Variants in INVS observed in about 807,000 individuals in gnomAD.
The protein encoded by INVS is inversin.
Under a neutral mutation model 108.8 loss-of-function variants are expected in INVS, and 86 were observed. The ratio of observed to expected loss-of-function variants is 0.79; its 90% confidence interval spans 0.66 to 0.95. INVS has a LOEUF of 0.95. Among genes scored for constraint, INVS ranks in the 40% least tolerant of loss-of-function variants. The pLI is 0.00. For missense variants in INVS, 1,169 were observed against 1,297.4 expected (o/e 0.90, Z 1.52); for synonymous variants, 455 against 473.5 (o/e 0.96, Z 0.51).
chr9:100,140,311 A>G (rs978264294), intron 3 of INVS, among the ~76,000 whole-genome samples: 3 of 152,026 alleles, frequency 2.0e-5, no homozygotes, highest in South Asian at 2.1e-4. Context: ...GAGCTGTTTT[A>G]TAAGATTTGG....
chr9:100,112,691 A>T (rs1009487880), intron 2 of INVS, among the ~76,000 whole-genome samples: 5 of 152,220 alleles, frequency 3.3e-5, no homozygotes, highest in African/African-American at 1.2e-4. Context: ...CGCAAAAAAA[A>T]AAATCTCATA....
intron 3 of INVS, chr9:100,215,520 G>C (rs996243277): frequency 6.6e-6 from 1 of 152,248 alleles, no homozygotes; most frequent in African/African-American, 2.4e-5. Flanking sequence ...ACATTTTTGA[G>C]TTGATTTTCA....
In INVS at chr9:100,175,618, AG is replaced by A. The variant is rs1392611034; in HGVS notation, c.273+49070del. 44 of 680,514 alleles carry A rather than the reference AG, an allele frequency of 6.5e-5. No homozygotes were observed. In the East Asian group the frequency reaches 1.2e-3, roughly 19 times the overall value. The allele number at this position is 680,514 out of a possible 1,614,324, so 42.2% of individuals were successfully genotyped here. On this transcript the variant is annotated intron_variant, in intron 3 of 16. Coordinates refer to ENST00000262457, the MANE Select transcript of INVS (RefSeq NM_014425.5). ...AGGTGGCAGAAAAACAGCTGCCCAAAGAATAGCAATGGTGTGACTCCAAAGG... is the reference window on the plus strand; with the variant it reads ...AGGTGGCAGAAAAACAGCTGCCCAAAAATAGCAATGGTGTGACTCCAAAGG...
At chr9:100,257,727 A>C (rs1167078951) in intron 10 of INVS, among the ~76,000 whole-genome samples, 1 of 152,218 alleles carries the variant, frequency 6.6e-6, no homozygotes, top group Non-Finnish European at 1.5e-5. Flanking sequence ...AGAATGTTGA[A>C]TATCGGCCCC....
At chr9:100,120,137 G>C (rs572806241) in intron 2 of INVS, among the ~76,000 whole-genome samples, 2 of 152,262 alleles carry the variant, frequency 1.3e-5, no homozygotes, top group African/African-American at 2.4e-5. Flanking sequence ...CCTGTGTGGT[G>C]GCTTATGCCT....
intron 2 of INVS, among the ~76,000 whole-genome samples, chr9:100,115,137 T>C (rs947098175): frequency 5.3e-5 from 8 of 152,184 alleles, no homozygotes; most frequent in African/African-American, 1.9e-4. Context: ...GTTTTCATTT[T>C]AGCCATTCTA....
At chr9:100,115,848 C>G (rs1827502319) in intron 2 of INVS, among the ~76,000 whole-genome samples, 1 of 152,146 alleles carries the variant, frequency 6.6e-6, no homozygotes, top group Admixed American at 6.5e-5. Flanking sequence ...ATTTCTAGTT[C>G]TAGATCCCTC....
chr9:100,182,506 G>A (rs1329346333), intron 3 of INVS, among the ~76,000 whole-genome samples: 3 of 151,848 alleles, frequency 2.0e-5, no homozygotes, highest in African/African-American at 4.8e-5. Context: ...ACATTATTGC[G>A]GCCAACAAAC....
chr9:100,241,458 C>G (rs371853822), intron 6 of INVS, among the ~76,000 whole-genome samples: 2 of 151,974 alleles, frequency 1.3e-5, no homozygotes, highest in Non-Finnish European at 1.5e-5. Context: ...TTAGAATACC[C>G]TGTTTCTGTT....
intron 14 of INVS, among the ~76,000 whole-genome samples, chr9:100,294,857 T>C (rs1380845079): frequency 1.3e-5 from 2 of 152,198 alleles, no homozygotes; most frequent in African/African-American, 4.8e-5. Flanking sequence ...CTGTTCAAAC[T>C]AGTTTTACCT....
At chr9:100,211,267 C>T (rs1830824096) in intron 3 of INVS, among the ~76,000 whole-genome samples, 2 of 152,124 alleles carry the variant, frequency 1.3e-5, no homozygotes, top group Admixed American at 1.3e-4. Context: ...AATCAGAGTA[C>T]CTCACAAGCA....
At chr9:100,190,859 T>C (rs1325242438) in intron 3 of INVS, among the ~76,000 whole-genome samples, 1 of 151,706 alleles carries the variant, frequency 6.6e-6, no homozygotes, top group African/African-American at 2.4e-5. Context: ...GTCCTTTTTG[T>C]TTTCTTTTTT....
intron 3 of INVS, chr9:100,175,172 A>C: frequency 2.3e-6 from 1 of 437,838 alleles, no homozygotes; most frequent in South Asian, 2.5e-5. Flanking sequence ...CTTTTTCAAT[A>C]ATAACATGAG....
At chr9:100,300,429 A>T (rs530392502) in intron 16 of INVS, 139 bp from the exon 17 acceptor site, 6 of 683,444 alleles carry the variant, frequency 8.8e-6, no homozygotes, top group African/African-American at 5.3e-5. Flanking sequence ...ATATTAAGTC[A>T]TCCTGCCTCT....
chr9:100,192,363 C>T (rs893404807), intron 3 of INVS, among the ~76,000 whole-genome samples: 2 of 151,782 alleles, frequency 1.3e-5, no homozygotes, highest in Non-Finnish European at 2.9e-5. Context: ...CATATTGTTG[C>T]ACATATCATA....
At chr9:100,246,450 A>G (rs956752589) in intron 7 of INVS, among the ~76,000 whole-genome samples, 166 bp from the exon 8 acceptor site, 2 of 152,240 alleles carry the variant, frequency 1.3e-5, no homozygotes, top group African/African-American at 4.8e-5. Context: ...GTTATCTTCG[A>G]TGGAAATTGT....
At chr9:100,126,978 T>G (rs999254842) in intron 3 of INVS, among the ~76,000 whole-genome samples, 6 of 152,158 alleles carry the variant, frequency 3.9e-5, no homozygotes, top group East Asian at 1.9e-4. Flanking sequence ...GTATTACTTT[T>G]ACTATAAAAA....
chr9:100,273,816 G>A (rs759823817), intron 12 of INVS, among the ~76,000 whole-genome samples: 31 of 151,696 alleles, frequency 2.0e-4, no homozygotes, highest in Admixed American at 3.9e-4. Flanking sequence ...GGGATTACAG[G>A]CATAAGCCAC....
At chr9:100,274,661 C>T (rs1833064191) in intron 12 of INVS, among the ~76,000 whole-genome samples, 2 of 152,182 alleles carry the variant, frequency 1.3e-5, no homozygotes, top group Non-Finnish European at 2.9e-5. Flanking sequence ...TGTGCCACCA[C>T]ACCCAGCTAA....
Sources: allele counts gnomAD v4.1 joint callset (sites outside exome capture counted in the v4.1 genomes callset), GRCh38; gene constraint gnomAD v4.1.1; transcripts MANE v1.5; gene names NCBI Gene and HGNC (gene_info 2026-07-23, HGNC 2026-07-21).